PPP2R2D: variants seen among roughly 807,000 people sequenced by gnomAD.
PPP2R2D encodes the protein serine/threonine-protein phosphatase 2A 55 kDa regulatory subunit B delta isoform.
Under a neutral mutation model 31.1 loss-of-function variants are expected in PPP2R2D, and 9 were observed. The ratio of observed to expected loss-of-function variants is 0.29; its 90% CI spans 0.17 to 0.51. PPP2R2D has a LOEUF of 0.51. Among genes scored for constraint, PPP2R2D ranks in the 20% least tolerant of loss-of-function variants. The probability of loss-of-function intolerance (pLI) is 0.98; values close to 1 mark genes in which losing one functional copy is unlikely to be tolerated. For synonymous variants in PPP2R2D, 179 were observed against 172.6 expected (o/e 1.04, Z -0.29); for missense variants, 391 against 465.6 (o/e 0.84, Z 1.48).
chr10:131,938,868 C>T (rs899719468), intron 3 of PPP2R2D, among the ~76,000 whole-genome samples: 13 of 152,236 alleles, frequency 8.5e-5, no homozygotes, highest in Admixed American at 8.5e-4. Flanking sequence ...CGCTGTGTCA[C>T]GCTCCTCAGG....
At chr10:131,951,497 T>A (rs2036635434) in intron 8 of PPP2R2D, among the ~76,000 whole-genome samples, 1 of 152,220 alleles carries the variant, frequency 6.6e-6, no homozygotes, top group Non-Finnish European at 1.5e-5. Context: ...TACAACATGT[T>A]TAAGACATAC....
intron 2 of PPP2R2D, among the ~76,000 whole-genome samples, chr10:131,929,056 C>G (rs1589942254): frequency 6.6e-6 from 1 of 152,232 alleles, no homozygotes; most frequent in Non-Finnish European, 1.5e-5. Flanking sequence ...CGTTGTGTTT[C>G]TCTCCAGATG....
downstream of PPP2R2D, among the ~76,000 whole-genome samples, chr10:131,961,894 C>G (rs2120118139): frequency 6.6e-6 from 1 of 152,190 alleles, no homozygotes; most frequent in Admixed American, 6.5e-5. Context: ...CCCATCTGTC[C>G]CTAATTTCAT....
chr10:131,918,226 GTGTT>G (rs201780412), intron 2 of PPP2R2D, among the ~76,000 whole-genome samples: 10 of 148,776 alleles, frequency 6.7e-5, no homozygotes, highest in South Asian at 2.2e-4. Context: ...GAATGACACA[GTGTT>G]TGTAGGGACC....
intron 2 of PPP2R2D, among the ~76,000 whole-genome samples, chr10:131,921,444 G>A (rs1403127017): frequency 1.3e-5 from 2 of 152,152 alleles, no homozygotes; most frequent in African/African-American, 2.4e-5. Flanking sequence ...CCTGAACAAG[G>A]AACCCTTGAG....
chr10:131,924,014 C>T lies in PPP2R2D; in HGVS notation c.101-10444C>T, dbSNP rs568435004. Among the ~76,000 whole-genome samples the T allele has an allele frequency of 5.3e-5, 8 of 152,218 alleles. 1 individual carries two copies. In the South Asian group the frequency reaches 1.0e-3, roughly 20 times the overall value. On this transcript the variant is annotated intron_variant, in intron 2 of 8. Transcript: ENST00000455566. ...GGGTTACAGTGTTAGCCACCGTGCC[C>T]GGGCCTTTCTTTTTATTGTTGTAAG... is the stretch of plus-strand genomic sequence containing the variant.
intron 5 of PPP2R2D, among the ~76,000 whole-genome samples, chr10:131,941,100 T>A (rs2036433202): frequency 1.3e-5 from 2 of 152,094 alleles, no homozygotes; most frequent in African/African-American, 4.8e-5. Context: ...GGGCCACAGG[T>A]ACATTCAGGA....
In PPP2R2D at chr10:131,901,158, G is replaced by A. The variant is rs2035485589; in HGVS notation, c.7+3G>A. The A allele has an allele frequency of 3.3e-6, 1 of 306,852 alleles. No homozygotes were observed. Among genetic ancestry groups the A allele is most frequent in the African/African-American group, 2.2e-5 (1 of 44,762 alleles). 19.0% of individuals were successfully genotyped at this position (306,852 alleles called of 1,614,324 possible). On this transcript the variant is annotated splice_donor_region_variant and intron_variant, in intron 1 of 8. Transcript: ENST00000455566. ...CCCGCCGCCGGCTGCCATGGCAGGT[G>A]AGGGGTCTGCGCGGGCCGGCGGGGA...
chr10:131,908,897 G>A (rs1287583587), intron 2 of PPP2R2D, among the ~76,000 whole-genome samples: 2 of 152,216 alleles, frequency 1.3e-5, no homozygotes, highest in East Asian at 1.9e-4. Context: ...AAAAGTTCAC[G>A]ACAGCATACC....
chr10:131,968,778 C>T, the PPP2R2D span: 31 of 470,204 alleles, frequency 6.6e-5, no homozygotes, highest in African/African-American at 5.3e-4. Context: ...ACTTAGAAAA[C>T]ATCAGATCGT....
rs565851533 is a variant in PPP2R2D, at chr10:131,948,551, G to A, written c.1082+760G>A. ...GGTGTCTCTTCAGGTGCATAGTTGA[G>A]CTCACAGATAAGCAAGGGAAATCTC... On this transcript the variant is annotated intron_variant, in intron 8 of 8. Coordinates refer to ENST00000455566, the MANE Select transcript of PPP2R2D (RefSeq NM_018461.5). Among the ~76,000 whole-genome samples, 5 of 152,306 alleles carry A rather than the reference G, an allele frequency of 3.3e-5. No homozygotes were observed. In the South Asian group the frequency reaches 1.0e-3, roughly 32 times the overall value.
intron 2 of PPP2R2D, among the ~76,000 whole-genome samples, chr10:131,925,416 C>T (rs1381891775): frequency 2.0e-5 from 3 of 152,022 alleles, no homozygotes; most frequent in Non-Finnish European, 1.5e-5. Context: ...TGGTCTTTGT[C>T]CTTTAATGTT....
chr10:131,933,598 C>T (rs553033100), intron 2 of PPP2R2D, among the ~76,000 whole-genome samples: 3 of 152,274 alleles, frequency 2.0e-5, no homozygotes, highest in Admixed American at 2.0e-4. Flanking sequence ...TCAGTCCGCA[C>T]GCGACACAGC....
chr10:131,940,484 A>G (rs1284145701), intron 4 of PPP2R2D, 98 bp from the exon 5 acceptor site: 2 of 650,614 alleles, frequency 3.1e-6, no homozygotes, highest in African/African-American at 3.6e-5. Flanking sequence ...TTATAACCCA[A>G]TATAGGACCA....
At chr10:131,969,492 TG>T in the PPP2R2D span, 4 of 152,028 alleles carry the variant, frequency 2.6e-5, no homozygotes, top group East Asian at 3.9e-4. Context: ...TGACGGGTTA[TG>T]GGGGGGACGT....
chr10:131,962,051 A>G (rs992504694), downstream of PPP2R2D, among the ~76,000 whole-genome samples: 3 of 152,024 alleles, frequency 2.0e-5, no homozygotes, highest in African/African-American at 7.2e-5. Context: ...GGTGCCCGGG[A>G]CTCTGCTTCT....
downstream of PPP2R2D, among the ~76,000 whole-genome samples, chr10:131,960,020 G>A (rs1234940746): frequency 3.3e-5 from 5 of 152,202 alleles, no homozygotes; most frequent in Non-Finnish European, 5.9e-5. Flanking sequence ...TGCGGCGCAC[G>A]TTCCCTGGAG....
chr10:131,939,868 C>CT (rs79311795), intron 3 of PPP2R2D, 163 bp from the exon 4 acceptor site: 4,636 of 328,052 alleles, frequency 0.014, no homozygotes, highest in Middle Eastern at 0.021. Context: ...CAAGTTCGTT[C>CT]TTTTTTTTTT....
intron 2 of PPP2R2D, among the ~76,000 whole-genome samples, chr10:131,923,777 T>C (rs888704470): frequency 1.3e-5 from 2 of 152,184 alleles, no homozygotes; most frequent in African/African-American, 2.4e-5. Flanking sequence ...TTTTATTTAT[T>C]TTAGAGACAG....
Sources: gnomAD v4.1 joint callset for allele counts (sites outside exome capture counted in the v4.1 genomes callset) on GRCh38, gnomAD v4.1.1 for gene constraint, MANE v1.5 for transcripts, NCBI Gene and HGNC (gene_info 2026-07-23, HGNC 2026-07-21) for gene names.